Variants in SYNPO2 observed in about 807,000 individuals in gnomAD.
The protein encoded by SYNPO2 is synaptopodin 2, also known as synaptopodin-2.
In SYNPO2, 56 loss-of-function variants were observed where a neutral mutation model predicts 85.0. The ratio of observed to expected loss-of-function variants is 0.66; its 90% CI spans 0.53 to 0.82. The LOEUF is 0.82. Among genes scored for constraint, SYNPO2 ranks in the 40% least tolerant of loss-of-function variants. The probability of loss-of-function intolerance (pLI) is 0.00; values close to 1 mark genes in which losing one functional copy is unlikely to be tolerated. For missense variants in SYNPO2, 1,575 were observed against 1,534.2 expected (o/e 1.03, Z -0.44); for synonymous variants, 602 against 591.1 (o/e 1.02, Z -0.27).
rs548200990 is a variant in SYNPO2 at position 119,029,999 on chromosome 4, C to T, written c.1224C>T (p.Thr408=). The T allele has an allele frequency of 3.3e-5, 53 of 1,613,974 alleles. No homozygotes were observed. Among genetic ancestry groups the T allele is most frequent in the Non-Finnish European group, 3.8e-5 (45 of 1,179,986 alleles). ...GACGTCGGAGGGCCAGGAAATACAC[C>T]CTAGTTAGCTACGGTACTGGCGAGC... The part of the protein sequence containing the change: ...KKRRRRARKY[T]LVSYGTGELE... The change falls in exon 4 of 5, where the codon ACC becomes ACT. Residue 408 remains threonine (T), a synonymous_variant. Transcript: ENST00000307142.
intron 1 of SYNPO2, among the ~76,000 whole-genome samples, chr4:118,878,897 TTCTC>T (rs532292531): frequency 7.7e-4 from 117 of 152,352 alleles, no homozygotes; most frequent in Non-Finnish European, 1.3e-3. Flanking sequence ...GTTTTGTTCT[TTCTC>T]TCTCTGCAGT....
rs142491607 is a variant in SYNPO2 at position 118,957,525 on chromosome 4, A to G, written c.106-65905A>G. Among the ~76,000 whole-genome samples, 285 of 152,298 alleles carry G rather than the reference A, an allele frequency of 1.9e-3. 10 individuals carry two copies. In the East Asian group the frequency reaches 0.052, roughly 28 times the overall value. ...TTTTTTAATCTGTAAAGGTGGACAT[A>G]ATAACCATAAATAAAAGATTATTGT... is the stretch of plus-strand genomic sequence containing the variant. On this transcript the variant is annotated intron_variant, in intron 1 of 4. Coordinates refer to ENST00000307142, the MANE Select transcript of SYNPO2 (RefSeq NM_133477.3).
In SYNPO2 at chr4:119,007,353, TGGAA is replaced by T. The variant is rs1168381130; in HGVS notation, c.106-16074_106-16071del. ...TTTTACCACTAACTTTTTTAAAAAC[TGGAA>T]GGCATGGGAGAAAAAGATCATCCTG... On this transcript the variant is annotated intron_variant, in intron 1 of 4. Transcript: ENST00000307142. 3.6e-5 allele frequency among the ~76,000 whole-genome samples: 5 copies of T among 137,022 alleles called. 1 individual carries two copies. The highest frequency in any genetic ancestry group is 1.3e-4 in the African/African-American group (5 of 37,048). 89.9% of individuals were successfully genotyped at this position (137,022 alleles called of 152,430 possible). A position where few individuals can be genotyped will look rare whatever the true frequency, so the allele number is the denominator to read the frequency against.
chr4:119,016,685 G>A (rs1028319204), intron 1 of SYNPO2, among the ~76,000 whole-genome samples: 1 of 152,326 alleles, frequency 6.6e-6, no homozygotes, highest in South Asian at 2.1e-4. Flanking sequence ...GCTAGGCTCT[G>A]CTCTATCAGT....
chr4:119,007,230 ATATATATATATATATG>A lies in SYNPO2; in HGVS notation c.106-16193_106-16178del, dbSNP rs1483527394. Among the ~76,000 whole-genome samples the A allele has an allele frequency of 1.0e-4, 6 of 58,302 alleles. 1 individual carries two copies. Among genetic ancestry groups the A allele is most frequent in the East Asian group, 4.9e-4 (1 of 2,044 alleles). 38.2% of individuals were successfully genotyped at this position (58,302 alleles called of 152,430 possible). On this transcript the variant is annotated intron_variant, in intron 1 of 4. Coordinates refer to ENST00000307142, the MANE Select transcript of SYNPO2 (RefSeq NM_133477.3). ...AAAGAACAAAGGTATATATATATATATATATATATATATATGTATATACATATATATATATATATAT... is the reference window on the plus strand; with the variant it reads ...AAAGAACAAAGGTATATATATATATATATATACATATATATATATATATAT...
chr4:118,942,819 T>A (rs1198630217), intron 1 of SYNPO2, among the ~76,000 whole-genome samples: 7 of 151,970 alleles, frequency 4.6e-5, no homozygotes, highest in Non-Finnish European at 1.0e-4. Context: ...ACCTAAAATG[T>A]CAGTTGGTCA....
At chr4:118,887,378 C>T (rs928972090), upstream of SYNPO2, among the ~76,000 whole-genome samples, 7 of 152,118 alleles carry the variant, frequency 4.6e-5, no homozygotes, top group African/African-American at 1.7e-4. Context: ...ATATGTTAAT[C>T]ACACAAATGC....
intron 1 of SYNPO2, among the ~76,000 whole-genome samples, chr4:118,945,208 A>G (rs570972021): frequency 1.3e-5 from 2 of 152,322 alleles, no homozygotes; most frequent in African/African-American, 4.8e-5. Flanking sequence ...TTTTTAACTT[A>G]TTTCCTATCC....
chr4:118,880,406 C>A (rs1732060633), intron 1 of SYNPO2, among the ~76,000 whole-genome samples: 1 of 152,090 alleles, frequency 6.6e-6, no homozygotes, highest in Non-Finnish European at 1.5e-5. Flanking sequence ...AATTTAGTGG[C>A]AGTTCCAAAT....
At chr4:118,979,071 C>T (rs774151812) in intron 1 of SYNPO2, among the ~76,000 whole-genome samples, 3 of 152,164 alleles carry the variant, frequency 2.0e-5, no homozygotes, top group Non-Finnish European at 2.9e-5. Context: ...CGGCCTCTTT[C>T]GCTTTCCAAT....
chr4:119,002,242 A>G (rs950843434), intron 1 of SYNPO2, among the ~76,000 whole-genome samples: 5 of 152,156 alleles, frequency 3.3e-5, no homozygotes, highest in Admixed American at 1.3e-4. Flanking sequence ...ATTTTAAAAT[A>G]TATCAGGAGT....
upstream of SYNPO2, among the ~76,000 whole-genome samples, chr4:118,884,249 A>T (rs1732161389): frequency 6.6e-6 from 1 of 152,352 alleles, no homozygotes; most frequent in South Asian, 2.1e-4. Context: ...GCATACCCAG[A>T]AAGACATATA....
At chr4:119,020,968 T>A (rs555478626) in intron 1 of SYNPO2, among the ~76,000 whole-genome samples, 2 of 40,892 alleles carry the variant, frequency 4.9e-5, no homozygotes, top group South Asian at 1.0e-3. Context: ...TTTCTTATAG[T>A]CTTGGAATAT....
chr4:118,895,837 A>G (rs1732533847), intron 1 of SYNPO2, among the ~76,000 whole-genome samples: 1 of 152,210 alleles, frequency 6.6e-6, no homozygotes, highest in Admixed American at 6.5e-5. Flanking sequence ...AGCTTCCAAA[A>G]TAACTTCTCT....
chr4:118,964,574 T>G (rs946243212), intron 1 of SYNPO2, among the ~76,000 whole-genome samples: 2 of 152,130 alleles, frequency 1.3e-5, no homozygotes, highest in Admixed American at 1.3e-4. Flanking sequence ...TTTTATTTAT[T>G]AGGGTGACAT....
intron 4 of SYNPO2, among the ~76,000 whole-genome samples, chr4:119,038,897 G>T (rs952391980): frequency 1.3e-5 from 2 of 148,248 alleles, no homozygotes; most frequent in Admixed American, 6.7e-5. Context: ...TTTTCCAGTG[G>T]TTTTTTTTTT....
intron 1 of SYNPO2, among the ~76,000 whole-genome samples, chr4:118,900,699 C>A (rs62326789): frequency 0.027 from 773 of 28,854 alleles, no homozygotes; most frequent in African/African-American, 0.045. Context: ...CTCTCTCTCT[C>A]TCTCTATATA....
At chr4:118,878,270 G>T (rs761782177) in intron 1 of SYNPO2, among the ~76,000 whole-genome samples, 26 of 152,160 alleles carry the variant, frequency 1.7e-4, no homozygotes, top group Non-Finnish European at 3.1e-4. Flanking sequence ...TATTACCTGG[G>T]TGACAAAATA....
At position 119,030,072 on chromosome 4, in the gene SYNPO2, T is replaced by A. The variant is rs200146493; in HGVS notation, c.1297T>A (p.Cys433Ser). The stretch of plus-strand genomic sequence containing the variant: ...GGAAGAAGGTGACAAGGAGGATACA[T>A]GTGAAGTAGCATTTCTTGGTGCAAG... ...EEEEGDKEDT[C>S]EVAFLGASES... is the part of the protein sequence containing the mutation. The change falls in exon 4 of 5, where the codon TGT becomes AGT. Residue 433 changes from cysteine to serine, a missense_variant. By Grantham distance (112) the Cys-to-Ser change is moderately radical. This residue lies in a region of SYNPO2 where 1,508 missense variants were observed against 1,446.8 expected (regional missense o/e 1.04). Coordinates refer to ENST00000307142, the MANE Select transcript of SYNPO2 (RefSeq NM_133477.3). 48 of 1,613,898 alleles carry A rather than the reference T, an allele frequency of 3.0e-5. No individual in the cohort carries two copies. The highest frequency in any genetic ancestry group is 4.1e-5 in the Non-Finnish European group (48 of 1,180,014).
Sources: gnomAD v4.1 joint callset for allele counts (sites outside exome capture counted in the v4.1 genomes callset) on GRCh38, gnomAD v4.1.1 for gene constraint, gnomAD v4.1.1 regional missense constraint, MANE v1.5 for transcripts, NCBI Gene and HGNC (gene_info 2026-07-23, HGNC 2026-07-21) for gene names.